PKP4: variants seen among roughly 807,000 people sequenced by gnomAD.
PKP4 encodes the protein plakophilin-4.
Under a neutral mutation model 145.1 loss-of-function variants are expected in PKP4, and 90 were observed. The ratio of observed to expected loss-of-function variants is 0.62; its 90% confidence interval spans 0.52 to 0.74. The LOEUF is 0.74. Ranked by LOEUF, PKP4 falls within the 30% of genes least tolerant of loss-of-function variation. The pLI, the probability that PKP4 is intolerant of heterozygous loss-of-function variation, is 0.00. For missense variants in PKP4, 1,340 were observed against 1,482.7 expected (o/e 0.90, Z 1.58); for synonymous variants, 563 against 577.2 (o/e 0.98, Z 0.35).
At chr2:158,520,915 G>A (rs1442703779) in intron 1 of PKP4, among the ~76,000 whole-genome samples, 1 of 152,118 alleles carries the variant, frequency 6.6e-6, no homozygotes, top group African/African-American at 2.4e-5. Flanking sequence ...TAGAGCTTTG[G>A]TTCATTCATT....
intron 1 of PKP4, among the ~76,000 whole-genome samples, chr2:158,459,809 A>G (rs916137586): frequency 6.6e-6 from 1 of 151,718 alleles, no homozygotes; most frequent in African/African-American, 2.4e-5. Flanking sequence ...ACACACACAC[A>G]CACGACACAC....
intron 1 of PKP4, among the ~76,000 whole-genome samples, chr2:158,497,470 T>G (rs1695911383): frequency 6.6e-6 from 1 of 152,112 alleles, no homozygotes; most frequent in South Asian, 2.1e-4. Context: ...AGATACTGAT[T>G]TAGGAGTTAT....
At chr2:158,661,813 T>C (rs990330284) in intron 13 of PKP4, 1 of 194,410 alleles carries the variant, frequency 5.1e-6, no homozygotes, top group Non-Finnish European at 1.1e-5. Context: ...TGAGGCACTG[T>C]AATCCCCCCA....
chr2:158,628,371 T>C (rs1463792311), intron 7 of PKP4, among the ~76,000 whole-genome samples: 1 of 152,198 alleles, frequency 6.6e-6, no homozygotes, highest in Admixed American at 6.5e-5. Flanking sequence ...TCTACACATA[T>C]TCATTTTACT....
chr2:158,545,201 C>T (rs2044893159), intron 2 of PKP4, among the ~76,000 whole-genome samples: 1 of 148,722 alleles, frequency 6.7e-6, no homozygotes, highest in African/African-American at 2.5e-5. Context: ...TCAGCTTCCT[C>T]ACCAGGCATT....
In PKP4 at chr2:158,473,286, G is replaced by A. The variant is rs908749531; in HGVS notation, c.-6+16068G>A. ...AGAGCTGAAAGCAGAACTACCATTC[G>A]ACCCAGCAATCCCACTACTGGGTAT... On this transcript the variant is annotated intron_variant, in intron 1 of 21. Coordinates refer to ENST00000389759, the MANE Select transcript of PKP4 (RefSeq NM_003628.6). 2.6e-5 allele frequency among the ~76,000 whole-genome samples: 4 copies of A among 152,078 alleles called. No homozygotes were observed. The East Asian group carries it at 5.8e-4, about 22-fold the overall frequency.
At chr2:158,491,880 C>T (rs892806557) in intron 1 of PKP4, among the ~76,000 whole-genome samples, 1 of 147,096 alleles carries the variant, frequency 6.8e-6, no homozygotes, top group African/African-American at 2.4e-5. Flanking sequence ...ACTGCAGCTT[C>T]GACCTCCCAG....
chr2:158,624,974 AG>A lies in PKP4; in HGVS notation c.705del (p.Ser236LeufsTer2). ...TATCAGCACAGGCGTGTCTCCTTCA[AG>A]GGGGTCTCTGAGAACTTCTCTGGGT... ...YVISTGVSPS[R>X]GSLRTSLGSG... On this transcript the variant is annotated frameshift_variant, in exon 7 of 22. Coordinates refer to ENST00000389759, the MANE Select transcript of PKP4 (RefSeq NM_003628.6). LOFTEE classifies it high-confidence loss of function. The A allele has an allele frequency of 6.2e-7, 1 of 1,614,084 alleles. No individual in the cohort carries two copies. The highest frequency in any genetic ancestry group is 8.5e-7 in the Non-Finnish European group (1 of 1,179,998).
rs999193813 is a variant in PKP4 at position 158,480,526 on chromosome 2, C to T, written c.-6+23308C>T. ...TAGCTGGATTACAGGTGTGAGCCAC[C>T]GCGCCTGGCCTCTGGGATTCTTTTT... is the stretch of plus-strand genomic sequence containing the variant. On this transcript the variant is annotated intron_variant, in intron 1 of 21. Coordinates refer to ENST00000389759, the MANE Select transcript of PKP4 (RefSeq NM_003628.6). 6.0e-5 allele frequency among the ~76,000 whole-genome samples: 9 copies of T among 150,906 alleles called. No individual in the cohort carries two copies. The South Asian group carries it at 1.0e-3, about 17-fold the overall frequency.
At chr2:158,659,455 G>T (rs1456251980) in intron 12 of PKP4, 1 of 152,240 alleles carries the variant, frequency 6.6e-6, no homozygotes, top group African/African-American at 2.4e-5. Flanking sequence ...AACCAGTGAC[G>T]AATAAAACAG....
At chr2:158,522,982 G>T (rs1363259011) in intron 1 of PKP4, among the ~76,000 whole-genome samples, 1 of 152,056 alleles carries the variant, frequency 6.6e-6, no homozygotes, top group Non-Finnish European at 1.5e-5. Context: ...AGGGTCCTAC[G>T]CCCACGGAAT....
Position 158,522,131 on chromosome 2 carries a change from G to A in PKP4, c.-5-11049G>A, listed in dbSNP as rs2042433119. 1.3e-5 allele frequency among the ~76,000 whole-genome samples: 2 copies of A among 152,088 alleles called. 1 individual carries two copies. Among genetic ancestry groups the A allele is most frequent in the Middle Eastern group, 6.4e-3 (2 of 314 alleles). ...GGAGTCCAACTTATTTTACTAAAAA[G>A]GTGAAATAAAGTGTACTTGGTATGC... On this transcript the variant is annotated intron_variant, in intron 1 of 21. Transcript: ENST00000389759.
At chr2:158,537,563 T>C (rs2105647398) in intron 2 of PKP4, among the ~76,000 whole-genome samples, 1 of 152,322 alleles carries the variant, frequency 6.6e-6, no homozygotes, top group Middle Eastern at 3.4e-3. Flanking sequence ...CTGGCTGTAA[T>C]TAGGATCATC....
chr2:158,519,856 C>T (rs1301789797), intron 1 of PKP4, among the ~76,000 whole-genome samples: 1 of 152,048 alleles, frequency 6.6e-6, no homozygotes, highest in Non-Finnish European at 1.5e-5. Context: ...ATTCTTAACT[C>T]TATTGATTAC....
At chr2:158,479,116 T>TA (rs1417482003) in intron 1 of PKP4, among the ~76,000 whole-genome samples, 2 of 152,190 alleles carry the variant, frequency 1.3e-5, no homozygotes, top group Non-Finnish European at 2.9e-5. Context: ...TAGTAGGAGT[T>TA]ACCTAAGTAG....
At chr2:158,491,694 T>A (rs1559217093) in intron 1 of PKP4, among the ~76,000 whole-genome samples, 1 of 152,166 alleles carries the variant, frequency 6.6e-6, no homozygotes. Flanking sequence ...AATCATCGTT[T>A]GTTCTCCCTT....
chr2:158,484,777 A>G (rs949828226), intron 1 of PKP4, among the ~76,000 whole-genome samples: 5 of 152,244 alleles, frequency 3.3e-5, no homozygotes, highest in African/African-American at 1.2e-4. Context: ...GTGGTAACAC[A>G]GTGTGGTAAA....
intron 1 of PKP4, among the ~76,000 whole-genome samples, chr2:158,505,932 GC>G (rs1559237721): frequency 4.6e-5 from 7 of 152,166 alleles, no homozygotes; most frequent in African/African-American, 1.7e-4. Context: ...CACAGGAGGC[GC>G]ATCCCTCAAC....
intron 3 of PKP4, among the ~76,000 whole-genome samples, chr2:158,583,053 T>C (rs1029660921): frequency 5.3e-5 from 8 of 152,208 alleles, no homozygotes; most frequent in African/African-American, 1.9e-4. Context: ...TGCTGGGGTA[T>C]GTACAGCTCA....
Sources: allele counts gnomAD v4.1 joint callset (sites outside exome capture counted in the v4.1 genomes callset), GRCh38; gene constraint gnomAD v4.1.1; transcripts MANE v1.5; gene names NCBI Gene and HGNC (gene_info 2026-07-23, HGNC 2026-07-21).